Variants in SNAP25 observed in about 807,000 individuals in gnomAD.
The protein encoded by SNAP25 is synaptosomal-associated protein 25.
In SNAP25, 3 loss-of-function variants were observed where a neutral mutation model predicts 28.7. The observed-to-expected ratio is 0.10, with a 90% confidence interval of 0.05 to 0.27. SNAP25 has a LOEUF of 0.27. Among genes scored for constraint, SNAP25 ranks in the 10% least tolerant of loss-of-function variants. SNAP25 has a pLI of 1.00. For missense variants in SNAP25, 117 were observed against 278.7 expected (o/e 0.42, Z 4.13); for synonymous variants, 61 against 88.1 (o/e 0.69, Z 1.72).
intron 1 of SNAP25, among the ~76,000 whole-genome samples, chr20:10,255,223 G>A (rs1835489834): frequency 6.6e-6 from 1 of 152,162 alleles, no homozygotes; most frequent in Admixed American, 6.5e-5. Context: ...AAGACTGGAT[G>A]GTACTACACA....
chr20:10,295,896 C>T (rs762713104), intron 5 of SNAP25, among the ~76,000 whole-genome samples: 14 of 152,174 alleles, frequency 9.2e-5, no homozygotes, highest in Non-Finnish European at 1.9e-4. Context: ...TGAAATACAG[C>T]CCATGGAGAC....
rs199619987 is a variant in SNAP25, at chr20:10,275,589, A to G, written c.72+26A>G. The G allele has an allele frequency of 4.8e-5, 75 of 1,571,130 alleles. 1 individual carries two copies. In the East Asian group the frequency reaches 1.7e-3, roughly 35 times the overall value. ...GTAAGGAGTGGAGACCTAGGAAGGG[A>G]GGCAAAAGATGAAGGCCTGAGTGGT... is the stretch of plus-strand genomic sequence containing the variant. On this transcript the variant is annotated intron_variant, in intron 2 of 7. Transcript: ENST00000254976.
At chr20:10,266,447 A>G (rs962373294) in intron 1 of SNAP25, among the ~76,000 whole-genome samples, 2 of 152,246 alleles carry the variant, frequency 1.3e-5, no homozygotes, top group African/African-American at 4.8e-5. Context: ...CTGGAGGGCA[A>G]GAATAGAAAC....
chr20:10,229,419 C>A (rs1451351056), intron 1 of SNAP25, among the ~76,000 whole-genome samples: 1 of 152,066 alleles, frequency 6.6e-6, no homozygotes, highest in Non-Finnish European at 1.5e-5. Context: ...ATTGTCAAAA[C>A]CTTTAGTTTT....
chr20:10,300,113 G>A (rs922731265), intron 7 of SNAP25, among the ~76,000 whole-genome samples: 5 of 151,992 alleles, frequency 3.3e-5, no homozygotes, highest in Non-Finnish European at 5.9e-5. Flanking sequence ...GTTTACACAA[G>A]GACACCAGAC....
chr20:10,244,200 T>C (rs2063086834), intron 1 of SNAP25, among the ~76,000 whole-genome samples: 2 of 152,236 alleles, frequency 1.3e-5, no homozygotes, highest in African/African-American at 2.4e-5. Context: ...ATCATGTTAA[T>C]AGTCGTGGTA....
chr20:10,284,886 T>C, intron 4 of SNAP25, 114 bp downstream of exon 4: 1 of 783,254 alleles, frequency 1.3e-6, no homozygotes, highest in Non-Finnish European at 2.1e-6. Flanking sequence ...TGTACACGAA[T>C]GTGAGGGTTC....
chr20:10,242,895 A>T (rs1237810347), intron 1 of SNAP25, among the ~76,000 whole-genome samples: 1 of 152,218 alleles, frequency 6.6e-6, no homozygotes, highest in African/African-American at 2.4e-5. Context: ...TCTTCTACCA[A>T]AGGTATCTGA....
At chr20:10,272,891 A>G (rs1319484067) in intron 1 of SNAP25, among the ~76,000 whole-genome samples, 2 of 152,216 alleles carry the variant, frequency 1.3e-5, no homozygotes, top group African/African-American at 4.8e-5. Flanking sequence ...GAGAACGGTG[A>G]AACCTGTTAT....
At chr20:10,281,541 T>C (rs1262498731) in intron 3 of SNAP25, among the ~76,000 whole-genome samples, 1 of 152,224 alleles carries the variant, frequency 6.6e-6, no homozygotes, top group Non-Finnish European at 1.5e-5. Context: ...TACTTTGATC[T>C]CTGTTTTACT....
chr20:10,223,253 G>C (rs925675894), intron 1 of SNAP25, among the ~76,000 whole-genome samples: 1 of 152,086 alleles, frequency 6.6e-6, no homozygotes, highest in Non-Finnish European at 1.5e-5. Context: ...CTCGAGGTCT[G>C]GATTACACCC....
At chr20:10,302,431 G>A (rs1205703210) in intron 7 of SNAP25, among the ~76,000 whole-genome samples, 1 of 152,144 alleles carries the variant, frequency 6.6e-6, no homozygotes, top group African/African-American at 2.4e-5. Flanking sequence ...TCACCTGAAG[G>A]ATAGTAAGAG....
At chr20:10,242,733 A>G (rs3025858) in intron 1 of SNAP25, among the ~76,000 whole-genome samples, 2,195 of 152,306 alleles carry the variant, frequency 0.014, 50 homozygotes, top group African/African-American at 0.05. Flanking sequence ...AGCTCCCAGT[A>G]TGCACTTAAA....
At chr20:10,262,018 C>A (rs1396246437) in intron 1 of SNAP25, among the ~76,000 whole-genome samples, 1 of 152,194 alleles carries the variant, frequency 6.6e-6, no homozygotes, top group South Asian at 2.1e-4. Flanking sequence ...AAATACCATA[C>A]AGCTCATGTG....
intron 1 of SNAP25, among the ~76,000 whole-genome samples, chr20:10,273,677 G>C (rs1160595456): frequency 6.6e-6 from 1 of 152,194 alleles, no homozygotes; most frequent in East Asian, 1.9e-4. Context: ...TCTAGCCACA[G>C]AGCACCACTT....
intron 1 of SNAP25, among the ~76,000 whole-genome samples, chr20:10,236,419 A>ATC (rs59745117): frequency 0.14 from 21,654 of 152,054 alleles, 2,899 homozygotes; most frequent in African/African-American, 0.36. Context: ...GGGGATCAGC[A>ATC]TCTTATTGTT....
intron 1 of SNAP25, among the ~76,000 whole-genome samples, chr20:10,270,528 A>C (rs1431125731): frequency 6.6e-6 from 1 of 151,758 alleles, no homozygotes; most frequent in Admixed American, 6.6e-5. Context: ...GTGAAACCCT[A>C]TCTCTACTAA....
rs999001631 is a variant in SNAP25, at chr20:10,296,875, G to T, written c.282-50G>T. ...CTTGAAGAAGTGACAATTGTTGAGA[G>T]CTTGCTCCTCCACCCCTGTGCCTTG... On this transcript the variant is annotated intron_variant, in intron 5 of 7. Transcript: ENST00000254976. 3.1e-6 allele frequency: 5 copies of T among 1,610,326 alleles called. No homozygotes were observed. The Admixed American group carries it at 5.1e-5, about 16-fold the overall frequency.
intron 1 of SNAP25, among the ~76,000 whole-genome samples, chr20:10,239,973 C>T (rs1292270071): frequency 6.6e-6 from 1 of 152,218 alleles, no homozygotes; most frequent in African/African-American, 2.4e-5. Context: ...CTTAAAGCAA[C>T]ACACATTTCT....
Sources: gnomAD v4.1 joint callset for allele counts (sites outside exome capture counted in the v4.1 genomes callset) on GRCh38, gnomAD v4.1.1 for gene constraint, MANE v1.5 for transcripts, NCBI Gene and HGNC (gene_info 2026-07-23, HGNC 2026-07-21) for gene names.